The following ASMTL variants were observed in gnomAD, a reference collection of about 807,000 sequenced individuals.
ASMTL encodes the protein probable bifunctional dTTP/UTP pyrophosphatase/methyltransferase protein.
In ASMTL, 57 loss-of-function variants were observed where a neutral mutation model predicts 60.3. That is an observed-to-expected ratio of 0.95 (90% confidence interval 0.76 to 1.18). The LOEUF (loss-of-function observed/expected upper bound fraction) is 1.18. Ranked by LOEUF, ASMTL falls within the 50% of genes most tolerant of loss-of-function variation. The pLI is 0.00. For synonymous variants in ASMTL, 419 were observed against 373.0 expected (o/e 1.12, Z -1.42); for missense variants, 981 against 852.6 (o/e 1.15, Z -1.88).
At chrX:1,405,004 GGATGGATA>G (rs1355145625) in intron 12 of ASMTL, among the ~76,000 whole-genome samples, 2 of 150,540 alleles carry the variant, frequency 1.3e-5, no homozygotes, top group African/African-American at 4.9e-5. Flanking sequence ...GTAGATGAGT[GGATGGATA>G]GATGGATGAA....
chrX:1,425,497 C>T (rs768125196), intron 8 of ASMTL, 28 bp downstream of exon 8: 2 of 1,600,990 alleles, frequency 1.2e-6, no homozygotes. Context: ...CAAAGATCCT[C>T]AGAGCAAAAC....
intron 8 of ASMTL, among the ~76,000 whole-genome samples, chrX:1,424,546 ATCCATCCATCCATCTGTCCG>A (rs1386706671): frequency 7.5e-5 from 6 of 80,016 alleles, no homozygotes; most frequent in South Asian, 9.2e-4. Flanking sequence ...CCACACATCC[ATCCATCCATCCATCTGTCCG>A]TCCATCCATC....
chrX:1,417,947 G>T, intron 11 of ASMTL, 26 bp downstream of exon 11: 1 of 1,586,956 alleles, frequency 6.3e-7, no homozygotes. Flanking sequence ...GAAAAGGTTA[G>T]CAGGGTGAAC....
intron 8 of ASMTL, among the ~76,000 whole-genome samples, chrX:1,424,717 T>A (rs1285577163): frequency 6.7e-6 from 1 of 148,672 alleles, no homozygotes; most frequent in Non-Finnish European, 1.5e-5. Flanking sequence ...CACCCATCCA[T>A]CCACACATCC....
At chrX:1,437,755 C>T (rs2091006901) in intron 3 of ASMTL, among the ~76,000 whole-genome samples, 1 of 150,626 alleles carries the variant, frequency 6.6e-6, no homozygotes, top group Non-Finnish European at 1.5e-5. Context: ...AAATTAGCCA[C>T]ACGTGGTCGC....
chrX:1,444,963 C>T (rs2091202269), intron 1 of ASMTL, among the ~76,000 whole-genome samples: 1 of 152,276 alleles, frequency 6.6e-6, no homozygotes, highest in Middle Eastern at 3.4e-3. Flanking sequence ...ACCCTTGCTT[C>T]GTCTTCCTCT....
At chrX:1,449,532 C>T (rs1359224810) in intron 1 of ASMTL, among the ~76,000 whole-genome samples, 21 of 152,002 alleles carry the variant, frequency 1.4e-4, no homozygotes, top group African/African-American at 4.1e-4. Flanking sequence ...ACCTCCAGTC[C>T]GTAGTCCCCA....
At chrX:1,421,302 A>G (rs1169088310) in intron 9 of ASMTL, among the ~76,000 whole-genome samples, 2 of 151,712 alleles carry the variant, frequency 1.3e-5, no homozygotes, top group East Asian at 3.9e-4. Flanking sequence ...GGGTCTCACT[A>G]TGTTGCCCAG....
At chrX:1,410,267 C>G (rs1268651071) in intron 12 of ASMTL, among the ~76,000 whole-genome samples, 7 of 62,340 alleles carry the variant, frequency 1.1e-4, no homozygotes, top group African/African-American at 5.2e-4. Context: ...CAACACTGCC[C>G]TCCAGCCAAA....
At chrX:1,405,544 CG>C (rs1480676770) in intron 12 of ASMTL, among the ~76,000 whole-genome samples, 1 of 98,472 alleles carries the variant, frequency 1.0e-5, no homozygotes. Flanking sequence ...GGTAGGTAGA[CG>C]GATGGATGGA....
At chrX:1,416,350 G>A (rs866836603) in intron 11 of ASMTL, among the ~76,000 whole-genome samples, 11 of 76,336 alleles carry the variant, frequency 1.4e-4, no homozygotes, top group African/African-American at 2.4e-4. Context: ...CAGATACAGT[G>A]ACAGGCACAC....
intron 12 of ASMTL, among the ~76,000 whole-genome samples, chrX:1,411,624 G>GCTGACACTTCAGCAACATGGCTGTAAA (rs757145240): frequency 2.6e-5 from 4 of 151,064 alleles, no homozygotes; most frequent in African/African-American, 4.9e-5. Flanking sequence ...ATTAGATCCA[G>GCTGACACTTCAGCAACATGGCTGTAAA]CTGCAGAGTC....
intron 6 of ASMTL, among the ~76,000 whole-genome samples, chrX:1,431,491 CTA>C (rs1569533754): frequency 2.2e-5 from 3 of 138,448 alleles, no homozygotes; most frequent in Non-Finnish European, 4.5e-5. Flanking sequence ...ATATTAATCA[CTA>C]CTTATTAAAA....
intron 1 of ASMTL, among the ~76,000 whole-genome samples, chrX:1,444,997 TTCTC>T (rs1275912318): frequency 2.0e-5 from 3 of 150,674 alleles, no homozygotes; most frequent in South Asian, 2.1e-4. Flanking sequence ...TTCTTCCCTC[TTCTC>T]TCTCTCTCTC....
chrX:1,417,170 G>T (rs1179045030), intron 11 of ASMTL, among the ~76,000 whole-genome samples: 1 of 148,382 alleles, frequency 6.7e-6, no homozygotes, highest in African/African-American at 2.5e-5. Context: ...ACAACCACCG[G>T]CCCACAGCAT....
chrX:1,436,489 A>T (rs1205993532), intron 3 of ASMTL, among the ~76,000 whole-genome samples: 5 of 152,122 alleles, frequency 3.3e-5, no homozygotes, highest in African/African-American at 1.2e-4. Context: ...AGTAGCTGGG[A>T]CTACAGGCGC....
chrX:1,413,189 C>G (rs140998589), intron 11 of ASMTL: 1 of 277,032 alleles, frequency 3.6e-6, no homozygotes, highest in Non-Finnish European at 7.1e-6. Flanking sequence ...ACGGCGAAAC[C>G]CCATCTCTAC....
rs143147989 is a variant in ASMTL, at chrX:1,433,196, G to A, written c.401-819C>T. Reference sequence around the variant, plus strand: ...GGGGAATCTGTTGAGTGACAGGAGCGAAAGCAGGCGTTTTGCTATGTGGTG... The same window carrying A: ...GGGGAATCTGTTGAGTGACAGGAGCAAAAGCAGGCGTTTTGCTATGTGGTG... On this transcript the variant is annotated intron_variant, in intron 5 of 12. Coordinates refer to ENST00000381317, the MANE Select transcript of ASMTL (RefSeq NM_004192.4). 2.1e-3 allele frequency among the ~76,000 whole-genome samples: 321 copies of A among 152,242 alleles called. 2 individuals carry two copies. The highest frequency in any genetic ancestry group is 0.018 in the East Asian group (93 of 5,182).
At chrX:1,435,356 T>A (rs756880443) in intron 4 of ASMTL, 1 of 607,078 alleles carries the variant, frequency 1.6e-6, no homozygotes, top group African/African-American at 1.8e-5. Context: ...GGGGTGCATC[T>A]CTTCCACGTC....
Sources: allele counts gnomAD v4.1 joint callset (sites outside exome capture counted in the v4.1 genomes callset), GRCh38; gene constraint gnomAD v4.1.1; transcripts MANE v1.5; gene names NCBI Gene and HGNC (gene_info 2026-07-23, HGNC 2026-07-21).